Variants in ECT2L observed in about 807,000 individuals in gnomAD.
ECT2L encodes epithelial cell transforming 2 like, also known as epithelial cell-transforming sequence 2 oncogene-like.
A neutral mutation model predicts 122.8 loss-of-function variants in ECT2L; 126 were observed. The ratio of observed to expected loss-of-function variants is 1.03; its 90% CI spans 0.89 to 1.19. The LOEUF (loss-of-function observed/expected upper bound fraction) is 1.19, where lower values mean the gene tolerates loss of function less well. ECT2L is among the 50% of genes most tolerant of loss of function. The pLI is 0.00. For synonymous variants in ECT2L, 385 were observed against 381.8 expected, an observed-to-expected ratio of 1.01 and a Z score of -0.10; for missense variants, 1,012 against 1,064.1, an observed-to-expected ratio of 0.95 and a Z score of 0.68.
intron 13 of ECT2L, among the ~76,000 whole-genome samples, chr6:138,870,838 G>A (rs547812800): frequency 5.9e-5 from 9 of 152,122 alleles, no homozygotes; most frequent in Admixed American, 2.0e-4. Context: ...GTGAAACCCC[G>A]TCTCTACTAA....
chr6:138,896,992 TC>T (rs1327255693), intron 20 of ECT2L, among the ~76,000 whole-genome samples: 2 of 152,202 alleles, frequency 1.3e-5, no homozygotes, highest in African/African-American at 4.8e-5. Flanking sequence ...GTTGGGTACT[TC>T]CTGCCTTTCT....
intron 4 of ECT2L, among the ~76,000 whole-genome samples, chr6:138,820,189 A>C (rs981255311): frequency 6.6e-6 from 1 of 152,184 alleles, no homozygotes. Context: ...GGTTGGACTA[A>C]ATTCATCATG....
At position 138,900,857 on chromosome 6, in the gene ECT2L, G is replaced by C. The variant is rs1779372228; in HGVS notation, c.2415-91G>C. 3 of 1,363,304 alleles carry C rather than the reference G, an allele frequency of 2.2e-6. No homozygotes were observed. In the Admixed American group the frequency reaches 7.4e-5, roughly 34 times the overall value. The allele number at this position is 1,363,304 out of a possible 1,614,324, so 84.5% of individuals were successfully genotyped here. ...ATGTCAGTAGTGGGGTAAAAGCCTT[G>C]ACTAGTGACTTATCAATTTCAAGAT... On this transcript the variant is annotated intron_variant, in intron 20 of 21. Coordinates refer to ENST00000541398, the MANE Select transcript of ECT2L (RefSeq NM_001077706.3).
chr6:138,882,225 T>A (rs1409155844), intron 15 of ECT2L, among the ~76,000 whole-genome samples: 1 of 152,204 alleles, frequency 6.6e-6, no homozygotes, highest in Non-Finnish European at 1.5e-5. Flanking sequence ...TGGAACAAGT[T>A]CTTTCCTGTC....
chr6:138,850,628 T>G (rs1052741648), intron 9 of ECT2L, among the ~76,000 whole-genome samples: 1 of 152,220 alleles, frequency 6.6e-6, no homozygotes, highest in African/African-American at 2.4e-5. Context: ...AACCATCTCT[T>G]TGAGATCCTG....
chr6:138,800,684 T>C (rs999737888), intron 1 of ECT2L, among the ~76,000 whole-genome samples: 3 of 152,274 alleles, frequency 2.0e-5, no homozygotes, highest in African/African-American at 4.8e-5. Flanking sequence ...GACACAGTTG[T>C]CAAATCCTAA....
At chr6:138,830,615 C>T (rs1208058402) in intron 4 of ECT2L, among the ~76,000 whole-genome samples, 3 of 152,050 alleles carry the variant, frequency 2.0e-5, no homozygotes, top group Non-Finnish European at 2.9e-5. Flanking sequence ...GGATTTTTTT[C>T]GGTTATCTTG....
intron 10 of ECT2L, among the ~76,000 whole-genome samples, chr6:138,856,579 T>C (rs149178551): frequency 6.6e-6 from 1 of 152,350 alleles, no homozygotes; most frequent in East Asian, 1.9e-4. Flanking sequence ...CATGTCTTCA[T>C]TTTTGCTTCC....
Position 138,865,165 on chromosome 6 carries a change from TG to T in ECT2L, c.1463del (p.Gly488AlafsTer3). 2 of 1,611,168 alleles carry T rather than the reference TG, an allele frequency of 1.2e-6. No individual in the cohort carries two copies. The highest frequency in any genetic ancestry group is 1.7e-6 in the Non-Finnish European group (2 of 1,177,838). ...FFKELQKSISGRMIGQFMFDT... is the reference protein window; with the variant it reads ...FFKELQKSISXRMIGQFMFDT... ...TCAAGGAACTGCAGAAGAGCATCAG[TG>T]GCAGGATGATAGGTAAGCAGTCTTG... On this transcript the variant is annotated frameshift_variant, in exon 12 of 22. Transcript: ENST00000541398. LOFTEE classifies it high-confidence loss of function.
chr6:138,851,247 G>A (rs1008353772), intron 9 of ECT2L, among the ~76,000 whole-genome samples: 1 of 151,718 alleles, frequency 6.6e-6, no homozygotes, highest in African/African-American at 2.4e-5. Context: ...GAAATGCAGT[G>A]GTGTGATCAT....
chr6:138,857,834 C>T (rs1367401549), intron 10 of ECT2L, among the ~76,000 whole-genome samples: 1 of 152,128 alleles, frequency 6.6e-6, no homozygotes, highest in Non-Finnish European at 1.5e-5. Context: ...CATTCTCACG[C>T]TGCTATGAAT....
chr6:138,805,321 G>C (rs1775679060), intron 1 of ECT2L, among the ~76,000 whole-genome samples: 6 of 152,146 alleles, frequency 3.9e-5, no homozygotes, highest in Admixed American at 3.9e-4. Flanking sequence ...ATTTTTTCCA[G>C]TTGGGTCAAG....
At chr6:138,827,046 CTT>C (rs1168834361) in intron 4 of ECT2L, among the ~76,000 whole-genome samples, 1 of 152,168 alleles carries the variant, frequency 6.6e-6, no homozygotes, top group Non-Finnish European at 1.5e-5. Context: ...AACCTCTCCT[CTT>C]TATAAACTAC....
chr6:138,881,088 ATT>A lies in ECT2L; in HGVS notation c.1798_1799del (p.Leu600ValfsTer18). The A allele has an allele frequency of 6.2e-7, 1 of 1,614,242 alleles. No individual in the cohort carries two copies. The highest frequency in any genetic ancestry group is 8.5e-7 in the Non-Finnish European group (1 of 1,180,042). ...DVYVAPLKAA[L>X]SSNRAILSAA... ...TTTATGTCGCACCACTGAAAGCAGCATTGTCATCAAACAGAGCGATTCTGAGT... is the reference window on the plus strand; with the variant it reads ...TTTATGTCGCACCACTGAAAGCAGCAGTCATCAAACAGAGCGATTCTGAGT... On this transcript the variant is annotated frameshift_variant, in exon 15 of 22. Transcript: ENST00000541398. LOFTEE classifies it high-confidence loss of function.
chr6:138,801,679 A>G (rs111761470), intron 1 of ECT2L, among the ~76,000 whole-genome samples: 2 of 152,060 alleles, frequency 1.3e-5, no homozygotes, highest in Non-Finnish European at 2.9e-5. Flanking sequence ...TGCTTGAACC[A>G]GGGAGGTGGA....
intron 4 of ECT2L, among the ~76,000 whole-genome samples, chr6:138,837,131 TATCA>T (rs374941047): frequency 5.9e-5 from 9 of 152,318 alleles, no homozygotes; most frequent in African/African-American, 2.2e-4. Context: ...TGTCTCTGTG[TATCA>T]TTCATTTATA....
chr6:138,821,334 A>C (rs1776261177), intron 4 of ECT2L, among the ~76,000 whole-genome samples: 1 of 152,194 alleles, frequency 6.6e-6, no homozygotes, highest in African/African-American at 2.4e-5. Flanking sequence ...CTGCAGCTGA[A>C]GCTTCTTGCA....
chr6:138,857,219 T>TA (rs1245322500), intron 10 of ECT2L, among the ~76,000 whole-genome samples: 1 of 152,066 alleles, frequency 6.6e-6, no homozygotes, highest in Non-Finnish European at 1.5e-5. Context: ...TCTCCTGCCT[T>TA]AAAAAAATAA....
intron 4 of ECT2L, among the ~76,000 whole-genome samples, chr6:138,834,935 A>ACACACTCCCT (rs5880405): frequency 7.0e-6 from 1 of 142,764 alleles, no homozygotes; most frequent in African/African-American, 2.7e-5. Flanking sequence ...ACACACACAC[A>ACACACTCCCT]CTCTCATTCT....
Sources: allele counts gnomAD v4.1 joint callset (sites outside exome capture counted in the v4.1 genomes callset), GRCh38; gene constraint gnomAD v4.1.1; transcripts MANE v1.5; gene names NCBI Gene and HGNC (gene_info 2026-07-23, HGNC 2026-07-21).